The following C5 variants were observed in gnomAD, a reference collection of about 807,000 sequenced individuals.
The protein encoded by C5 is complement C5.
A neutral mutation model predicts 218.8 loss-of-function variants in C5; 140 were observed. That is an observed-to-expected ratio of 0.64 (90% confidence interval 0.56 to 0.74). The LOEUF (loss-of-function observed/expected upper bound fraction) is 0.74, where lower values mean the gene tolerates loss of function less well. C5 is among the 30% of genes least tolerant of loss of function. The probability of loss-of-function intolerance (pLI) is 0.00; values close to 1 mark genes in which losing one functional copy is unlikely to be tolerated. For missense variants in C5, 1,700 were observed against 1,969.6 expected (o/e 0.86, Z 2.59); for synonymous variants, 614 against 682.3 (o/e 0.90, Z 1.56).
intron 3 of C5, among the ~76,000 whole-genome samples, chr9:121,040,170 T>A (rs2047564944): frequency 6.6e-6 from 1 of 152,134 alleles, no homozygotes; most frequent in Non-Finnish European, 1.5e-5. Flanking sequence ...GAAGGATCTG[T>A]GATGACACGT....
At chr9:121,043,938 C>T (rs2047603302) in intron 2 of C5, among the ~76,000 whole-genome samples, 1 of 151,934 alleles carries the variant, frequency 6.6e-6, no homozygotes, top group South Asian at 2.1e-4. Context: ...TTGTAATTAT[C>T]CCCTTTACAT....
chr9:120,979,803 C>A (rs1340939939), intron 28 of C5: 4 of 387,970 alleles, frequency 1.0e-5, no homozygotes, highest in Non-Finnish European at 2.0e-5. Context: ...CACTTGAGCC[C>A]AGGAGATCGA....
rs772154840 is a variant in C5, at chr9:121,032,096, T to A, written c.667+17A>T. ...AAAACAAAAAGCAAAGAAAAACTTT[T>A]ACTTGTCAGAAATTACCATATTCTT... On this transcript the variant is annotated intron_variant, in intron 6 of 40. Coordinates refer to ENST00000223642, the MANE Select transcript of C5 (RefSeq NM_001735.3). 1 of 1,504,164 alleles carries A rather than the reference T, an allele frequency of 6.6e-7. No individual in the cohort carries two copies. Among genetic ancestry groups the A allele is most frequent in the Non-Finnish European group, 9.3e-7 (1 of 1,080,708 alleles). 93.2% of individuals were successfully genotyped at this position (1,504,164 alleles called of 1,614,324 possible).
At chr9:121,043,516 C>T (rs191380613) in intron 2 of C5, among the ~76,000 whole-genome samples, 38 of 151,916 alleles carry the variant, frequency 2.5e-4, no homozygotes, top group Admixed American at 5.9e-4. Context: ...ACCTCCTGAC[C>T]GATTCTCTGG....
chr9:121,003,519 T>C (rs1049909770), intron 20 of C5, among the ~76,000 whole-genome samples: 4 of 152,184 alleles, frequency 2.6e-5, no homozygotes, highest in African/African-American at 7.2e-5. Flanking sequence ...AAAAATGAAA[T>C]TGGCATTTCT....
rs898879844 is a variant in C5 at position 120,963,752 on chromosome 9, G to A, written c.4221-14C>T. ...CTGGGCTTGTAGCTAAAATAAAAAA[G>A]AGGTTAGAAAATATAATAAATAAGT... On this transcript the variant is annotated splice_polypyrimidine_tract_variant and intron_variant, in intron 33 of 40. Transcript: ENST00000223642. 5.1e-6 allele frequency: 8 copies of A among 1,578,848 alleles called. No homozygotes were observed. In the African/African-American group the frequency reaches 1.1e-4, roughly 21 times the overall value.
chr9:121,001,236 C>T (rs2047158833), intron 20 of C5, among the ~76,000 whole-genome samples: 1 of 152,098 alleles, frequency 6.6e-6, no homozygotes, highest in Non-Finnish European at 1.5e-5. Context: ...GAAATAGATA[C>T]TATTATCATC....
At position 121,032,314 on chromosome 9, in the gene C5, A is replaced by G. The variant is rs2047482942; in HGVS notation, c.585-119T>C. The stretch of plus-strand genomic sequence containing the variant: ...GAATACACAAAGATATATAAAACCT[A>G]AGTAATATATTTTATTTGTGACTGA... On this transcript the variant is annotated intron_variant, in intron 5 of 40. Transcript: ENST00000223642. 4.8e-6 allele frequency: 3 copies of G among 628,250 alleles called. No individual in the cohort carries two copies. In the East Asian group the frequency reaches 8.7e-5, roughly 18 times the overall value. 38.9% of individuals were successfully genotyped at this position (628,250 alleles called of 1,614,324 possible). A position where few individuals can be genotyped will look rare whatever the true frequency, so the allele number is the denominator to read the frequency against.
intron 33 of C5, among the ~76,000 whole-genome samples, chr9:120,965,521 AAAATAAATAAATAAATAAATAAAT>A (rs201361366): frequency 6.8e-6 from 1 of 146,994 alleles, no homozygotes; most frequent in African/African-American, 2.5e-5. Context: ...CTCTGCCTCA[AAAATAAATAAATAAATAAATAAAT>A]AAATAAATAA....
intron 38 of C5, among the ~76,000 whole-genome samples, chr9:120,958,674 C>A (rs954773191): frequency 1.3e-5 from 2 of 151,358 alleles, no homozygotes; most frequent in African/African-American, 4.9e-5. Context: ...CAGTAGACTT[C>A]GATGGAAAAA....
At chr9:121,033,071 T>C (rs2047491637) in intron 5 of C5, among the ~76,000 whole-genome samples, 1 of 149,216 alleles carries the variant, frequency 6.7e-6, no homozygotes, top group Non-Finnish European at 1.5e-5. Flanking sequence ...TACACACATA[T>C]ATATACACAC....
intron 25 of C5, among the ~76,000 whole-genome samples, chr9:120,988,033 C>T (rs1380916848): frequency 6.6e-6 from 1 of 152,172 alleles, no homozygotes; most frequent in African/African-American, 2.4e-5. Context: ...CCTCATGATC[C>T]GCCCGCCTTG....
chr9:121,058,093 A>G, the C5 span, among the ~76,000 whole-genome samples: 1,992 of 152,374 alleles, frequency 0.013, 35 homozygotes, highest in African/African-American at 0.045. Context: ...AGACTCAGAC[A>G]TACAGGATGT....
chr9:120,984,337 C>G (rs1405140869), intron 25 of C5, among the ~76,000 whole-genome samples: 1 of 152,168 alleles, frequency 6.6e-6, no homozygotes, highest in African/African-American at 2.4e-5. Context: ...GAGAGCTCCT[C>G]TCTTTTTAAT....
At chr9:121,070,229 C>T in the C5 span, among the ~76,000 whole-genome samples, 154 of 151,608 alleles carry the variant, frequency 1.0e-3, no homozygotes, top group African/African-American at 3.5e-3. Flanking sequence ...TGTTGGCAGG[C>T]GCCTCTAATC....
intron 1 of C5, among the ~76,000 whole-genome samples, chr9:121,049,729 A>T (rs1237165754): frequency 1.3e-5 from 2 of 152,220 alleles, no homozygotes; most frequent in Non-Finnish European, 2.9e-5. Flanking sequence ...AATGACACTA[A>T]AAATTGTGAA....
Position 121,018,578 on chromosome 9 carries a change from A to AAAGGAAGGAAGG in C5, c.1507-738_1507-727dup, listed in dbSNP as rs56204327. Among the ~76,000 whole-genome samples the AAAGGAAGGAAGG allele has an allele frequency of 4.0e-3, 320 of 80,894 alleles. 13 individuals are homozygous for AAAGGAAGGAAGG. The highest frequency in any genetic ancestry group is 6.3e-3 in the Non-Finnish European group (262 of 41,852). 53.1% of individuals were successfully genotyped at this position (80,894 alleles called of 152,430 possible). Reference sequence around the variant, plus strand: ...GACAGAGTGAGACTCCACCAAAAAGAAAGGAAGGAAGGAAGGAAGGAAGGA... The same window carrying AAAGGAAGGAAGG: ...GACAGAGTGAGACTCCACCAAAAAGAAAGGAAGGAAGGAAGGAAGGAAGGAAGGAAGGAAGGA... On this transcript the variant is annotated intron_variant, in intron 12 of 40. Coordinates refer to ENST00000223642, the MANE Select transcript of C5 (RefSeq NM_001735.3).
the C5 span, among the ~76,000 whole-genome samples, chr9:121,063,581 T>C: frequency 6.6e-6 from 1 of 152,096 alleles, no homozygotes; most frequent in Non-Finnish European, 1.5e-5. Context: ...TCTTTGCTTG[T>C]CTTGTAATTT....
At chr9:120,989,864 A>G (rs988510019) in intron 23 of C5, 84 bp from the exon 24 acceptor site, 12 of 1,082,762 alleles carry the variant, frequency 1.1e-5, no homozygotes, top group Middle Eastern at 4.0e-4. Flanking sequence ...ACAACCATCT[A>G]GAGATGGTTC....
Sources: allele counts gnomAD v4.1 joint callset (sites outside exome capture counted in the v4.1 genomes callset), GRCh38; gene constraint gnomAD v4.1.1; transcripts MANE v1.5; gene names NCBI Gene and HGNC (gene_info 2026-07-23, HGNC 2026-07-21).